HTR4: variants seen among roughly 807,000 people sequenced by gnomAD.
HTR4 encodes 5-hydroxytryptamine (serotonin) receptor 4, G protein-coupled.
HTR4 carries 16 observed loss-of-function variants against 36.8 expected under a neutral mutation model. The observed-to-expected ratio is 0.43, with a 90% CI of 0.29 to 0.66. The LOEUF is 0.66. HTR4 is among the 30% of genes least tolerant of loss of function. The pLI is 0.13. For synonymous variants in HTR4, 189 were observed against 185.1 expected, an observed-to-expected ratio of 1.02 and a Z score of -0.17; for missense variants, 438 against 490.9, an observed-to-expected ratio of 0.89 and a Z score of 1.02.
chr5:148,497,297 C>A (rs1756732222), intron 6 of HTR4, among the ~76,000 whole-genome samples: 1 of 152,062 alleles, frequency 6.6e-6, no homozygotes, highest in Non-Finnish European at 1.5e-5. Context: ...GGTTTTTTCT[C>A]ATGTGTAGGA....
At chr5:148,565,326 T>G (rs761882327) in intron 2 of HTR4, among the ~76,000 whole-genome samples, 1 of 152,122 alleles carries the variant, frequency 6.6e-6, no homozygotes, top group Non-Finnish European at 1.5e-5. Flanking sequence ...GAGAGCATGT[T>G]GTAATTTCAA....
chr5:148,475,205 A>T (rs975123816), downstream of HTR4, among the ~76,000 whole-genome samples: 2 of 152,218 alleles, frequency 1.3e-5, no homozygotes, highest in African/African-American at 2.4e-5. Context: ...CTCATGAGTT[A>T]GGTAGTGTTA....
downstream of HTR4, among the ~76,000 whole-genome samples, chr5:148,475,310 A>T (rs1351041521): frequency 6.6e-6 from 1 of 152,206 alleles, no homozygotes; most frequent in Non-Finnish European, 1.5e-5. Flanking sequence ...GCAGGGATTC[A>T]ATCCAGTCAA....
intron 2 of HTR4, among the ~76,000 whole-genome samples, chr5:148,606,326 C>G (rs1397312637): frequency 6.6e-6 from 1 of 152,018 alleles, no homozygotes; most frequent in Non-Finnish European, 1.5e-5. Context: ...GGCATACAGG[C>G]AGGTGTAAAT....
At chr5:148,491,588 C>A (rs529900965) in intron 6 of HTR4, among the ~76,000 whole-genome samples, 1 of 152,090 alleles carries the variant, frequency 6.6e-6, no homozygotes, top group South Asian at 2.1e-4. Context: ...CTGGCCTCCA[C>A]CCACTATATA....
At chr5:148,649,747 T>C (rs916287475) in intron 1 of HTR4, among the ~76,000 whole-genome samples, 8 of 152,224 alleles carry the variant, frequency 5.3e-5, no homozygotes, top group Admixed American at 3.3e-4. Flanking sequence ...TGTCAATTCA[T>C]CCCTAGTAAT....
At chr5:148,473,590 G>A (rs1373153550), downstream of HTR4, among the ~76,000 whole-genome samples, 2 of 152,082 alleles carry the variant, frequency 1.3e-5, no homozygotes, top group African/African-American at 4.8e-5. Context: ...TCTGTTTTTT[G>A]TGACTAGATA....
At chr5:148,549,615 C>T (rs1017137026) in intron 3 of HTR4, among the ~76,000 whole-genome samples, 4 of 152,284 alleles carry the variant, frequency 2.6e-5, no homozygotes, top group African/African-American at 9.6e-5. Context: ...TACAGGATGC[C>T]TGATTAGATT....
intron 5 of HTR4, among the ~76,000 whole-genome samples, chr5:148,466,180 A>T (rs1164245397): frequency 2.0e-5 from 3 of 152,164 alleles, no homozygotes; most frequent in African/African-American, 4.8e-5. Context: ...ACAACTTGGG[A>T]TGTTCACAGG....
intron 2 of HTR4, among the ~76,000 whole-genome samples, chr5:148,606,657 T>C (rs1400221604): frequency 6.6e-6 from 1 of 152,332 alleles, no homozygotes; most frequent in Non-Finnish European, 1.5e-5. Context: ...GAGAGAATCA[T>C]ACATATTCAA....
intron 5 of HTR4, among the ~76,000 whole-genome samples, chr5:148,457,950 TAAA>T (rs1479951140): frequency 2.9e-5 from 4 of 135,852 alleles, no homozygotes; most frequent in African/African-American, 1.1e-4. Flanking sequence ...TAAGATATAT[TAAA>T]TATATATTAA....
chr5:148,473,616 C>G (rs1470836748), downstream of HTR4, among the ~76,000 whole-genome samples: 1 of 152,172 alleles, frequency 6.6e-6, no homozygotes, highest in Non-Finnish European at 1.5e-5. Context: ...CACCTATTAA[C>G]ATAATCACTA....
intron 6 of HTR4, among the ~76,000 whole-genome samples, chr5:148,489,946 A>G (rs141187669): frequency 0.012 from 1,883 of 152,174 alleles, 20 homozygotes; most frequent in Middle Eastern, 0.048. Flanking sequence ...GATAAACACG[A>G]AGCAGCTTCT....
At chr5:148,512,899 C>A (rs1253409130) in intron 5 of HTR4, among the ~76,000 whole-genome samples, 1 of 152,082 alleles carries the variant, frequency 6.6e-6, no homozygotes, top group Non-Finnish European at 1.5e-5. Flanking sequence ...CCACTGCACT[C>A]CAGCCTGGGT....
chr5:148,610,432 T>G (rs1383065814), intron 2 of HTR4, among the ~76,000 whole-genome samples: 6 of 152,150 alleles, frequency 3.9e-5, no homozygotes, highest in Admixed American at 2.6e-4. Flanking sequence ...CACCTCACAC[T>G]GCAGGGTACT....
intron 5 of HTR4, among the ~76,000 whole-genome samples, chr5:148,451,463 T>C (rs1754971738): frequency 6.6e-6 from 1 of 152,078 alleles, no homozygotes; most frequent in African/African-American, 2.4e-5. Context: ...ATTACTCATA[T>C]TAAATGTGGA....
intron 2 of HTR4, among the ~76,000 whole-genome samples, chr5:148,621,685 A>G (rs1373131866): frequency 6.6e-6 from 1 of 152,152 alleles, no homozygotes; most frequent in Non-Finnish European, 1.5e-5. Context: ...CACTCTTCAA[A>G]TATTTGAAGA....
chr5:148,577,936 T>A (rs566282388), intron 2 of HTR4, among the ~76,000 whole-genome samples: 2 of 152,022 alleles, frequency 1.3e-5, no homozygotes, highest in South Asian at 4.2e-4. Flanking sequence ...TTTACCTATG[T>A]AACAAACCTT....
At chr5:148,460,489 TA>T (rs1163247072) in intron 5 of HTR4, among the ~76,000 whole-genome samples, 2 of 151,624 alleles carry the variant, frequency 1.3e-5, no homozygotes, top group African/African-American at 4.8e-5. Flanking sequence ...GTGAAATGTT[TA>T]AAGTGTTGAG....
Sources: allele counts gnomAD v4.1 joint callset (sites outside exome capture counted in the v4.1 genomes callset), GRCh38; gene constraint gnomAD v4.1.1; transcripts MANE v1.5; gene names NCBI Gene and HGNC (gene_info 2026-07-23, HGNC 2026-07-21).